Variants in USH2A observed in about 807,000 individuals in gnomAD.
The protein encoded by USH2A is Usher syndrome 2A (autosomal recessive, mild).
USH2A carries 443 observed loss-of-function variants against 538.9 expected under a neutral mutation model. That is an observed-to-expected ratio of 0.82 (90% CI 0.76 to 0.89). The LOEUF is 0.89. Among genes scored for constraint, USH2A ranks in the 40% least tolerant of loss-of-function variants. The pLI is 0.00. For synonymous variants in USH2A, 2,413 were observed against 2,273.5 expected (o/e 1.06, Z -1.75); for missense variants, 6,633 against 6,324.8 (o/e 1.05, Z -1.65).
chr1:216,206,314 C>T (rs931592997), intron 16 of USH2A, among the ~76,000 whole-genome samples: 2 of 152,044 alleles, frequency 1.3e-5, no homozygotes, highest in Non-Finnish European at 2.9e-5. Context: ...TTTTTGGCCC[C>T]AGGGACTGGT....
chr1:215,779,844 T>A lies in USH2A; in HGVS notation c.10938A>T (p.Thr3646=), dbSNP rs745413774. The A allele has an allele frequency of 3.1e-6, 5 of 1,613,906 alleles. No individual in the cohort carries two copies. The South Asian group carries it at 5.5e-5, about 18-fold the overall frequency. ...DTTDRRQHTV[T]GLQPYTNYSF... ...TTTCCTTTTTTTTTGTTTTCTCACCTGTGACCGTATGCTGTCTCCTGTCAG... is the reference window on the plus strand; with the variant it reads ...TTTCCTTTTTTTTTGTTTTCTCACCAGTGACCGTATGCTGTCTCCTGTCAG... Residue 3646 remains threonine, a splice_region_variant and synonymous_variant, in exon 55 of 72, where the codon ACA becomes ACT. Coordinates refer to ENST00000307340, the MANE Select transcript of USH2A (RefSeq NM_206933.4).
chr1:215,998,911 A>G lies in USH2A; in HGVS notation c.6633T>C (p.Gly2211=), dbSNP rs1187248993. 1.2e-6 allele frequency: 2 copies of G among 1,613,198 alleles called. No homozygotes were observed. Among genetic ancestry groups the G allele is most frequent in the African/African-American group, 1.3e-5 (1 of 74,972 alleles). The change falls in exon 34 of 72, where the codon GGT becomes GGC. Residue 2211 remains glycine (G), a synonymous_variant. Coordinates refer to ENST00000307340, the MANE Select transcript of USH2A (RefSeq NM_206933.4). ...CTCCCAGCTTGATGAGATATTTATT[A>G]CCAGGTAAAACGTATTGTAGCATAT... The part of the protein sequence containing the change: ...QDHMLQYVLP[G]NKYLIKLGAC...
intron 64 of USH2A, among the ~76,000 whole-genome samples, chr1:215,664,975 A>G (rs1248420923): frequency 6.6e-6 from 1 of 152,222 alleles, no homozygotes; most frequent in Non-Finnish European, 1.5e-5. Flanking sequence ...AAAGGCCCAA[A>G]GAGGTTAATG....
intron 13 of USH2A, among the ~76,000 whole-genome samples, chr1:216,236,387 A>G (rs537304335): frequency 2.2e-4 from 34 of 152,244 alleles, no homozygotes; most frequent in African/African-American, 8.2e-4. Context: ...CTCTCATCAC[A>G]TTGTGATACA....
At chr1:215,845,538 G>A (rs1287773831) in intron 45 of USH2A, among the ~76,000 whole-genome samples, 3 of 152,056 alleles carry the variant, frequency 2.0e-5, no homozygotes, top group South Asian at 2.1e-4. Flanking sequence ...GTTTCTAAAT[G>A]TCACCATTTA....
At chr1:216,380,779 T>C (rs1201450984) in intron 3 of USH2A, among the ~76,000 whole-genome samples, 1 of 152,170 alleles carries the variant, frequency 6.6e-6, no homozygotes, top group Non-Finnish European at 1.5e-5. Context: ...TTTAGCAAAG[T>C]TGTAAATGTC....
chr1:215,864,203 C>T (rs1006235), intron 44 of USH2A, among the ~76,000 whole-genome samples: 18,145 of 152,104 alleles, frequency 0.12, 1,540 homozygotes, highest in East Asian at 0.29. Context: ...TAAGTCTAAA[C>T]GCATGAGAAA....
intron 32 of USH2A, among the ~76,000 whole-genome samples, chr1:216,024,075 T>C (rs1571897883): frequency 6.6e-6 from 1 of 152,118 alleles, no homozygotes; most frequent in African/African-American, 2.4e-5. Context: ...TTTTTCTTCT[T>C]TGATGCACTT....
At chr1:216,198,132 C>T (rs1044428898) in intron 18 of USH2A, among the ~76,000 whole-genome samples, 183 bp downstream of exon 18, 6 of 152,182 alleles carry the variant, frequency 3.9e-5, no homozygotes, top group Non-Finnish European at 7.4e-5. Flanking sequence ...GAACTTGCTG[C>T]AAGTACTTTA....
At chr1:216,033,801 A>G (rs1417104955) in intron 32 of USH2A, among the ~76,000 whole-genome samples, 1 of 152,116 alleles carries the variant, frequency 6.6e-6, no homozygotes, top group Non-Finnish European at 1.5e-5. Flanking sequence ...GCGCCACTGC[A>G]CTCCATCCAG....
Position 215,799,101 on chromosome 1 carries a change from T to C in USH2A, c.9764A>G (p.Gln3255Arg). Reference sequence around the variant, plus strand: ...AATGCCAACAGAAACCCGATTGTGCTGTTCATCTGGACAGCATACTTCACC... The same window carrying C: ...AATGCCAACAGAAACCCGATTGTGCCGTTCATCTGGACAGCATACTTCACC... Reference protein sequence around the residue: ...LPGEVCCPDEQHNRVSVGIGD... With the variant: ...LPGEVCCPDERHNRVSVGIGD... Residue 3255 changes from glutamine to arginine, a missense_variant, in exon 50 of 72, where the codon CAG becomes CGG. Physicochemically the swap from Gln to Arg is conservative, Grantham distance 43. Transcript: ENST00000307340. 1.2e-6 allele frequency: 2 copies of C among 1,614,002 alleles called. No homozygotes were observed. Among genetic ancestry groups the C allele is most frequent in the Non-Finnish European group, 1.7e-6 (2 of 1,179,968 alleles).
Position 216,017,917 on chromosome 1 carries a change from C to T in USH2A, c.6326-17355G>A, listed in dbSNP as rs951434970. Among the ~76,000 whole-genome samples, 4 of 152,262 alleles carry T rather than the reference C, an allele frequency of 2.6e-5. No homozygotes were observed. In the South Asian group the frequency reaches 6.2e-4, roughly 24 times the overall value. ...GCATAAGAAAGTAATGAATCTCTAT[C>T]CTCAATGGCCAAGATATCTCTTTTG... On this transcript the variant is annotated intron_variant, in intron 32 of 71. Coordinates refer to ENST00000307340, the MANE Select transcript of USH2A (RefSeq NM_206933.4).
At chr1:216,055,261 T>C (rs2030938895) in intron 30 of USH2A, among the ~76,000 whole-genome samples, 2 of 152,074 alleles carry the variant, frequency 1.3e-5, no homozygotes, top group Admixed American at 1.3e-4. Flanking sequence ...CACATTTGGA[T>C]CAAGAAAGTG....
intron 4 of USH2A, among the ~76,000 whole-genome samples, chr1:216,339,224 T>A (rs560090738): frequency 1.3e-5 from 2 of 151,650 alleles, no homozygotes; most frequent in South Asian, 4.2e-4. Flanking sequence ...TCAGAAAAAT[T>A]ATTTATGAAA....
intron 32 of USH2A, among the ~76,000 whole-genome samples, chr1:216,012,830 T>C (rs1170249482): frequency 6.6e-6 from 1 of 152,174 alleles, no homozygotes; most frequent in Non-Finnish European, 1.5e-5. Flanking sequence ...ACGCTCCTTT[T>C]TATTAGGCCC....
intron 19 of USH2A, among the ~76,000 whole-genome samples, chr1:216,191,395 C>T (rs911451037): frequency 1.9e-4 from 29 of 151,860 alleles, no homozygotes; most frequent in Middle Eastern, 3.4e-3. Flanking sequence ...TTTAAAATTT[C>T]GTAAGTTACA....
intron 3 of USH2A, among the ~76,000 whole-genome samples, chr1:216,388,144 G>C (rs1336766424): frequency 6.6e-6 from 1 of 152,198 alleles, no homozygotes; most frequent in Non-Finnish European, 1.5e-5. Context: ...CACTTCACGA[G>C]TTTAAGTATA....
chr1:216,401,268 C>A (rs1311179586), intron 3 of USH2A, among the ~76,000 whole-genome samples: 1 of 151,958 alleles, frequency 6.6e-6, no homozygotes, highest in Non-Finnish European at 1.5e-5. Flanking sequence ...CCTAGAGCCA[C>A]TAAAAACACT....
At chr1:216,311,097 T>C (rs1013725525) in intron 9 of USH2A, among the ~76,000 whole-genome samples, 8 of 152,332 alleles carry the variant, frequency 5.3e-5, no homozygotes, top group Middle Eastern at 3.4e-3. Flanking sequence ...ATAATCCTCC[T>C]GCATCATAGT....
Sources: gnomAD v4.1 joint callset for allele counts (sites outside exome capture counted in the v4.1 genomes callset) on GRCh38, gnomAD v4.1.1 for gene constraint, MANE v1.5 for transcripts, NCBI Gene and HGNC (gene_info 2026-07-23, HGNC 2026-07-21) for gene names.